ARHGAP28: variants seen among roughly 807,000 people sequenced by gnomAD.
The protein encoded by ARHGAP28 is rho GTPase-activating protein 28.
ARHGAP28 carries 56 observed loss-of-function variants against 90.7 expected under a neutral mutation model. That is an observed-to-expected ratio of 0.62 (90% CI 0.50 to 0.77). The LOEUF (loss-of-function observed/expected upper bound fraction) is 0.77, where lower values mean the gene tolerates loss of function less well. ARHGAP28 is among the 30% of genes least tolerant of loss of function. The pLI is 0.00. For missense variants in ARHGAP28, 869 were observed against 900.9 expected (o/e 0.96, Z 0.45); for synonymous variants, 308 against 323.3 (o/e 0.95, Z 0.51).
At chr18:6,893,738 C>T (rs1393266145) in intron 14 of ARHGAP28, among the ~76,000 whole-genome samples, 1 of 151,908 alleles carries the variant, frequency 6.6e-6, no homozygotes, top group East Asian at 1.9e-4. Flanking sequence ...ATATCAATGT[C>T]ACTTTAATGT....
intron 14 of ARHGAP28, 52 bp from the exon 15 acceptor site, chr18:6,894,783 C>A: frequency 6.6e-7 from 1 of 1,526,664 alleles, no homozygotes; most frequent in Non-Finnish European, 9.0e-7. Flanking sequence ...CTTCCAAAAG[C>A]AACATATGCT....
chr18:6,773,149 A>T (rs1032598309), intron 1 of ARHGAP28, among the ~76,000 whole-genome samples: 2 of 152,164 alleles, frequency 1.3e-5, no homozygotes, highest in Non-Finnish European at 2.9e-5. Flanking sequence ...GCATTTATCC[A>T]TTTATTCATT....
intron 1 of ARHGAP28, among the ~76,000 whole-genome samples, chr18:6,805,050 T>C (rs948018085): frequency 1.3e-5 from 2 of 151,996 alleles, no homozygotes; most frequent in African/African-American, 4.8e-5. Context: ...GCCTTGAACC[T>C]CTGGGCTAAC....
At chr18:6,786,319 A>G (rs1487343004) in intron 1 of ARHGAP28, among the ~76,000 whole-genome samples, 24 of 151,774 alleles carry the variant, frequency 1.6e-4, no homozygotes, top group Non-Finnish European at 7.4e-5. Flanking sequence ...TTATCCTGTC[A>G]TATATACTTA....
At chr18:6,802,776 G>A (rs1315808632) in intron 1 of ARHGAP28, among the ~76,000 whole-genome samples, 1 of 151,992 alleles carries the variant, frequency 6.6e-6, no homozygotes, top group Non-Finnish European at 1.5e-5. Flanking sequence ...CATTAATTTA[G>A]GTGTTCTTTA....
At chr18:6,877,654 G>A (rs890735720) in intron 10 of ARHGAP28, among the ~76,000 whole-genome samples, 2 of 152,180 alleles carry the variant, frequency 1.3e-5, no homozygotes, top group Admixed American at 6.5e-5. Context: ...GCTGGCACAA[G>A]TTCTTGTGGA....
chr18:6,743,531 C>G (rs1322717491), intron 1 of ARHGAP28, among the ~76,000 whole-genome samples: 1 of 152,032 alleles, frequency 6.6e-6, no homozygotes, highest in African/African-American at 2.4e-5. Context: ...AAAGTCTTCC[C>G]TGAGAGAGAA....
intron 1 of ARHGAP28, among the ~76,000 whole-genome samples, chr18:6,809,337 C>G (rs1243920308): frequency 6.6e-6 from 1 of 152,112 alleles, no homozygotes; most frequent in African/African-American, 2.4e-5. Context: ...CACAAATGAC[C>G]ATATAAAGTA....
chr18:6,844,456 G>T (rs978630736), intron 3 of ARHGAP28, among the ~76,000 whole-genome samples: 5 of 152,146 alleles, frequency 3.3e-5, no homozygotes, highest in Non-Finnish European at 7.3e-5. Context: ...CATTTAGTAG[G>T]TGCTCAGTAT....
chr18:6,815,648 A>C (rs900906353), intron 1 of ARHGAP28, among the ~76,000 whole-genome samples: 8 of 152,126 alleles, frequency 5.3e-5, no homozygotes, highest in Non-Finnish European at 1.0e-4. Flanking sequence ...TAAGAAACAG[A>C]TTATATTTCA....
intron 7 of ARHGAP28, among the ~76,000 whole-genome samples, chr18:6,872,280 A>G (rs1326085157): frequency 1.3e-5 from 2 of 152,220 alleles, no homozygotes; most frequent in Non-Finnish European, 2.9e-5. Flanking sequence ...GTTTTTGTTT[A>G]TATTGTTGTT....
chr18:6,893,952 C>T (rs564476281), intron 14 of ARHGAP28, among the ~76,000 whole-genome samples: 1 of 151,006 alleles, frequency 6.6e-6, no homozygotes, highest in South Asian at 2.1e-4. Flanking sequence ...CTGCAACCTC[C>T]ACATCCTGGG....
chr18:6,891,801 C>A (rs2143738465), intron 14 of ARHGAP28, among the ~76,000 whole-genome samples: 1 of 152,198 alleles, frequency 6.6e-6, no homozygotes, highest in South Asian at 2.1e-4. Context: ...CTGTATTGCC[C>A]AGGCTGGTCT....
chr18:6,875,091 T>C (rs2057120753), intron 9 of ARHGAP28: 1 of 152,132 alleles, frequency 6.6e-6, no homozygotes, highest in Non-Finnish European at 1.5e-5. Flanking sequence ...AATATCAAAA[T>C]CAAAGACGAT....
rs77609067 is a variant in ARHGAP28, at chr18:6,844,608, T to A, written c.544-6426T>A. ...TTAAATTTCGGAAACATAAATAAAA[T>A]GCACTTTCATTTTTTTCAATAGCCA... On this transcript the variant is annotated intron_variant, in intron 3 of 17. Coordinates refer to ENST00000383472, the MANE Select transcript of ARHGAP28 (RefSeq NM_001366230.1). Among the ~76,000 whole-genome samples the A allele has an allele frequency of 0.026, 4,034 of 152,284 alleles. 261 individuals carry two copies. The East Asian group carries it at 0.28, about 10-fold the overall frequency.
At chr18:6,754,348 T>C (rs1273611768) in intron 1 of ARHGAP28, among the ~76,000 whole-genome samples, 2 of 152,176 alleles carry the variant, frequency 1.3e-5, no homozygotes, top group African/African-American at 4.8e-5. Flanking sequence ...TTAATGTTGT[T>C]AAATCGTACT....
intron 1 of ARHGAP28, among the ~76,000 whole-genome samples, chr18:6,766,283 C>G (rs575433418): frequency 6.6e-6 from 1 of 152,272 alleles, no homozygotes; most frequent in African/African-American, 2.4e-5. Flanking sequence ...CACTGTGTCT[C>G]AGGGCATACT....
At position 6,729,854 on chromosome 18, in the gene ARHGAP28, G is replaced by C. The variant is rs893081413; in HGVS notation, c.33G>C (p.Leu11=). 7.0e-7 allele frequency: 1 copy of C among 1,434,664 alleles called. No individual in the cohort carries two copies. The highest frequency in any genetic ancestry group is 9.1e-7 in the Non-Finnish European group (1 of 1,097,736). The allele number at this position is 1,434,664 out of a possible 1,614,324, so 88.9% of individuals were successfully genotyped here. A position where few individuals can be genotyped will look rare whatever the true frequency, so the allele number is the denominator to read the frequency against. Residue 11 remains leucine, a synonymous_variant, in exon 1 of 18, where the codon CTG becomes CTC. Coordinates refer to ENST00000383472, the MANE Select transcript of ARHGAP28 (RefSeq NM_001366230.1). ...TGGAGGACTCGGGCGGCGTGGTGCTGACCGCCTACCACTCGTACGCGCGCG... is the reference window on the plus strand; with the variant it reads ...TGGAGGACTCGGGCGGCGTGGTGCTCACCGCCTACCACTCGTACGCGCGCG... MEVEDSGGVV[L]TAYHSYARAQ...
intron 1 of ARHGAP28, among the ~76,000 whole-genome samples, chr18:6,812,802 C>T (rs181241824): frequency 1.2e-4 from 18 of 152,286 alleles, no homozygotes; most frequent in South Asian, 2.1e-4. Flanking sequence ...GTCTTTCTAA[C>T]GTTCATGTTG....
Sources: allele counts gnomAD v4.1 joint callset (sites outside exome capture counted in the v4.1 genomes callset), GRCh38; gene constraint gnomAD v4.1.1; transcripts MANE v1.5; gene names NCBI Gene and HGNC (gene_info 2026-07-23, HGNC 2026-07-21).